TPST2: variants seen among roughly 807,000 people sequenced by gnomAD.
The protein encoded by TPST2 is tyrosylprotein sulfotransferase 2, also known as protein-tyrosine sulfotransferase 2.
TPST2 carries 16 observed loss-of-function variants against 27.8 expected under a neutral mutation model. The ratio of observed to expected loss-of-function variants is 0.58; its 90% CI spans 0.39 to 0.88. The LOEUF (loss-of-function observed/expected upper bound fraction) is 0.88, where lower values mean the gene tolerates loss of function less well. Among genes scored for constraint, TPST2 ranks in the 40% least tolerant of loss-of-function variants. TPST2 has a pLI of 0.00. For synonymous variants in TPST2, 229 were observed against 231.7 expected, an observed-to-expected ratio of 0.99 and a Z score of 0.10; for missense variants, 464 against 543.1, an observed-to-expected ratio of 0.85 and a Z score of 1.45.
chr22:26,567,779 A>G (rs1029441183), intron 1 of TPST2, among the ~76,000 whole-genome samples: 5 of 152,372 alleles, frequency 3.3e-5, no homozygotes, highest in African/African-American at 1.2e-4. Flanking sequence ...TTCATAAAAG[A>G]GGTTATCTAA....
rs141322140 is a variant in TPST2 at position 26,542,059 on chromosome 22, C to T, written c.-88-341G>A. Among the ~76,000 whole-genome samples the T allele has an allele frequency of 4.4e-3, 670 of 151,510 alleles. 2 individuals carry two copies. Among genetic ancestry groups the T allele is most frequent in the African/African-American group, 0.016 (642 of 41,282 alleles). On this transcript the variant is annotated intron_variant, in intron 2 of 6. Transcript: ENST00000338754. The stretch of plus-strand genomic sequence containing the variant: ...GAGATCGAGACCATCCTGGCTAACA[C>T]GGTGATATCCCATCTCTACTAAAAT...
At chr22:26,560,199 G>C (rs1418357686) in intron 1 of TPST2, among the ~76,000 whole-genome samples, 1 of 152,104 alleles carries the variant, frequency 6.6e-6, no homozygotes, top group African/African-American at 2.4e-5. Context: ...TGTACCCAGA[G>C]GCCTTCTCTG....
chr22:26,560,775 G>C lies in TPST2; in HGVS notation c.-160-16100C>G, dbSNP rs964893762. 6 of 1,241,652 alleles carry C rather than the reference G, an allele frequency of 4.8e-6. No individual in the cohort carries two copies. The African/African-American group carries it at 8.9e-5, about 18-fold the overall frequency. The allele number at this position is 1,241,652 out of a possible 1,614,324, so 76.9% of individuals were successfully genotyped here. ...GAAAACCTATATCCCTCCCAAAGGG[G>C]AGACAAAAAAGAAGTTCAAGGATCC... is the stretch of plus-strand genomic sequence containing the variant. On this transcript the variant is annotated intron_variant, in intron 1 of 6. Transcript: ENST00000338754.
chr22:26,550,691 C>T lies in TPST2; in HGVS notation c.-160-6016G>A, dbSNP rs997955811. Reference sequence around the variant, plus strand: ...GAACCAGCTCCCAACATTCCATTGCCATGGCTATTCCCAACCCTACCAGAC... The same window carrying T: ...GAACCAGCTCCCAACATTCCATTGCTATGGCTATTCCCAACCCTACCAGAC... On this transcript the variant is annotated intron_variant, in intron 1 of 6. Transcript: ENST00000338754. The T allele has an allele frequency of 9.2e-6, 9 of 983,500 alleles. No individual in the cohort carries two copies. The African/African-American group carries it at 1.4e-4, about 15-fold the overall frequency. The allele number at this position is 983,500 out of a possible 1,614,324, so 60.9% of individuals were successfully genotyped here.
At chr22:26,559,778 G>A (rs1926988370) in intron 1 of TPST2, among the ~76,000 whole-genome samples, 1 of 152,056 alleles carries the variant, frequency 6.6e-6, no homozygotes, top group Non-Finnish European at 1.5e-5. Context: ...GCTGCCTAGG[G>A]CTCTCCCAGG....
At position 26,540,808 on chromosome 22, in the gene TPST2, C is replaced by A. The variant is rs758802800; in HGVS notation, c.823G>T (p.Gly275Cys). The change falls in exon 3 of 7, where the codon GGT (glycine) becomes TGT (cysteine). Residue 275 changes from glycine to cysteine, a missense_variant. Gly to Cys is a radical substitution (Grantham distance 159). Transcript: ENST00000338754. ...ACTCACTTGGACAGGGAGACACCAC[C>A]GGGCTTGCCAATGAGGTCTTCATGG... ...LHHEDLIGKP[G>C]GVSLSKIERS... 2 of 1,597,800 alleles carry A rather than the reference C, an allele frequency of 1.3e-6. No individual in the cohort carries two copies. The highest frequency in any genetic ancestry group is 8.5e-7 in the Non-Finnish European group (1 of 1,169,804).
intron 1 of TPST2, among the ~76,000 whole-genome samples, chr22:26,552,784 G>A (rs1236160725): frequency 6.6e-6 from 1 of 152,146 alleles, no homozygotes; most frequent in South Asian, 2.1e-4. Context: ...TATCAGCCAG[G>A]AGCAGTGGTT....
intron 1 of TPST2, among the ~76,000 whole-genome samples, chr22:26,549,720 C>T (rs1926353309): frequency 6.8e-6 from 1 of 147,882 alleles, no homozygotes; most frequent in Non-Finnish European, 1.5e-5. Context: ...AAGCCAGAAT[C>T]GGTTGTTGGA....
chr22:26,532,585 A>G (rs1925229340), intron 5 of TPST2, 110 bp downstream of exon 5: 1 of 1,231,350 alleles, frequency 8.1e-7, no homozygotes, highest in African/African-American at 1.5e-5. Flanking sequence ...CCTTTTTATA[A>G]TGGGAAAACC....
At position 26,524,517 on chromosome 22, in the gene TPST2, TACAC is replaced by T. The variant is rs1924728212; in HGVS notation, c.*1754_*1757del. 1.3e-5 allele frequency: 1 copy of T among 77,778 alleles called. No homozygotes were observed. Among genetic ancestry groups the T allele is most frequent in the Non-Finnish European group, 2.5e-5 (1 of 39,368 alleles). The allele number at this position is 77,778 out of a possible 1,614,324, so 4.8% of individuals were successfully genotyped here. A position where few individuals can be genotyped will look rare whatever the true frequency, so the allele number is the denominator to read the frequency against. ...GCGAGATTCTGTCTAAACACACACA[TACAC>T]ACATACACACCATGAAGTTTTAACT... On this transcript the variant is annotated 3_prime_UTR_variant, in exon 7 of 7. Transcript: ENST00000338754.
rs74943452 is a variant in TPST2 at position 26,527,098 on chromosome 22, T to C, written c.*8-831A>G. On this transcript the variant is annotated intron_variant, in intron 6 of 6. Coordinates refer to ENST00000338754, the MANE Select transcript of TPST2 (RefSeq NM_003595.5). ...TGTCTCAAAAACAAAAACTCTGGGA[T>C]CTTAGTGCAACTCAAGATGGGAACC... 5.2e-3 allele frequency among the ~76,000 whole-genome samples: 786 copies of C among 152,198 alleles called. 8 individuals are homozygous for C. Among genetic ancestry groups the C allele is most frequent in the African/African-American group, 0.018 (749 of 41,532 alleles).
At chr22:26,553,038 T>G (rs1402526723) in intron 1 of TPST2, among the ~76,000 whole-genome samples, 2 of 118,742 alleles carry the variant, frequency 1.7e-5, no homozygotes, top group African/African-American at 6.7e-5. Context: ...CCAGCCTGGG[T>G]GACAACAGCG....
rs555840265 is a variant in TPST2 at position 26,588,345 on chromosome 22, T to C, written c.-161+1708A>G. ...GAAATGTCCAGCACAGGCAAATTCA[T>C]AGAGAATTTGAGAGTCAGTAAGTGG... On this transcript the variant is annotated intron_variant, in intron 1 of 6. Coordinates refer to ENST00000338754, the MANE Select transcript of TPST2 (RefSeq NM_003595.5). 1.8e-4 allele frequency among the ~76,000 whole-genome samples: 28 copies of C among 152,294 alleles called. 2 individuals carry two copies. In the South Asian group the frequency reaches 5.2e-3, roughly 28 times the overall value.
At position 26,525,852 on chromosome 22, in the gene TPST2, C is replaced by G. The variant is rs1461667272; in HGVS notation, c.*423G>C. 6.6e-6 allele frequency: 1 copy of G among 152,392 alleles called. No homozygotes were observed. The highest frequency in any genetic ancestry group is 1.5e-5 in the Non-Finnish European group (1 of 68,022). The allele number at this position is 152,392 out of a possible 1,614,324, so 9.4% of individuals were successfully genotyped here. A position where few individuals can be genotyped will look rare whatever the true frequency, so the allele number is the denominator to read the frequency against. On this transcript the variant is annotated 3_prime_UTR_variant, in exon 7 of 7. Transcript: ENST00000338754. ...AGAACTGAGGAGGAATCAAAGAAAG[C>G]CTCATATATTAAACTCTTAAATAGA...
chr22:26,580,785 G>C (rs1263462623), intron 1 of TPST2, among the ~76,000 whole-genome samples: 1 of 152,100 alleles, frequency 6.6e-6, no homozygotes, highest in African/African-American at 2.4e-5. Context: ...AGAGGAGTCT[G>C]GGGAGAAGCA....
At chr22:26,565,619 C>T (rs2147224846) in intron 1 of TPST2, 1 of 152,368 alleles carries the variant, frequency 6.6e-6, no homozygotes, top group East Asian at 1.9e-4. Context: ...AAACCTTCCA[C>T]AGAATTCTAG....
intron 3 of TPST2, among the ~76,000 whole-genome samples, chr22:26,537,669 T>C (rs547034581): frequency 5.3e-5 from 8 of 152,254 alleles, no homozygotes; most frequent in African/African-American, 1.4e-4. Flanking sequence ...GCCAGGCTGG[T>C]CTCGAACTCC....
chr22:26,560,739 G>A (rs1379363077), intron 1 of TPST2: 57 of 1,144,930 alleles, frequency 5.0e-5, no homozygotes, highest in East Asian at 3.7e-4. Flanking sequence ...GGCCCATTAC[G>A]AAAGAGAAAT....
At chr22:26,528,391 A>G (rs1192234308) in intron 5 of TPST2, 129 bp from the exon 6 acceptor site, 9 of 1,167,454 alleles carry the variant, frequency 7.7e-6, no homozygotes, top group Non-Finnish European at 1.1e-5. Context: ...CTGTACATCT[A>G]CTATGTGCCA....
Sources: gnomAD v4.1 joint callset for allele counts (sites outside exome capture counted in the v4.1 genomes callset) on GRCh38, gnomAD v4.1.1 for gene constraint, MANE v1.5 for transcripts, NCBI Gene and HGNC (gene_info 2026-07-23, HGNC 2026-07-21) for gene names.